Variants in SYT10 observed in about 807,000 individuals in gnomAD.
SYT10 encodes the protein synaptotagmin-10.
In SYT10, 31 loss-of-function variants were observed where a neutral mutation model predicts 51.1. The observed-to-expected ratio is 0.61, with a 90% CI of 0.46 to 0.82. The LOEUF (loss-of-function observed/expected upper bound fraction) is 0.82. Ranked by LOEUF, SYT10 falls within the 40% of genes least tolerant of loss-of-function variation. The pLI, the probability that SYT10 is intolerant of heterozygous loss-of-function variation, is 0.00. For missense variants in SYT10, 603 were observed against 634.0 expected, an observed-to-expected ratio of 0.95 and a Z score of 0.53; for synonymous variants, 233 against 225.9, an observed-to-expected ratio of 1.03 and a Z score of -0.28.
intron 3 of SYT10, among the ~76,000 whole-genome samples, chr12:33,386,200 T>C (rs566441504): frequency 6.6e-6 from 1 of 152,280 alleles, no homozygotes; most frequent in South Asian, 2.1e-4. Flanking sequence ...TTTGTATTTT[T>C]AGTTTCGACT....
At chr12:33,430,223 T>C (rs1866585789) in intron 1 of SYT10, among the ~76,000 whole-genome samples, 1 of 152,250 alleles carries the variant, frequency 6.6e-6, no homozygotes, top group African/African-American at 2.4e-5. Context: ...TATCTCTAAC[T>C]AATTTTAGTC....
chr12:33,380,768 G>A (rs1451033816), intron 5 of SYT10, among the ~76,000 whole-genome samples: 9 of 152,144 alleles, frequency 5.9e-5, no homozygotes, highest in Admixed American at 2.6e-4. Flanking sequence ...GCAGAGACAG[G>A]AGCTGAATCA....
Position 33,374,839 on chromosome 12 carries a change from A to T in SYT10, c.*1991T>A, listed in dbSNP as rs2138374551. The T allele has an allele frequency of 6.6e-6, 1 of 152,110 alleles. No individual in the cohort carries two copies. Among genetic ancestry groups the T allele is most frequent in the Admixed American group, 6.6e-5 (1 of 15,262 alleles). 9.4% of individuals were successfully genotyped at this position (152,110 alleles called of 1,614,324 possible). ...AAGAAAAGCGAGTTTCTAAGAATCA[A>T]CAAAAAGTCCTTAAAAATGTGTTTT... On this transcript the variant is annotated 3_prime_UTR_variant, in exon 7 of 7. Transcript: ENST00000228567.
Position 33,375,298 on chromosome 12 carries a change from C to T in SYT10, c.*1532G>A, listed in dbSNP as rs987746009. 7 of 151,880 alleles carry T rather than the reference C, an allele frequency of 4.6e-5. No individual in the cohort carries two copies. The highest frequency in any genetic ancestry group is 1.7e-4 in the African/African-American group (7 of 41,378). 9.4% of individuals were successfully genotyped at this position (151,880 alleles called of 1,614,324 possible). ...ACTATAAGAGATGTCAACAAAATTT[C>T]AAGGCTTTTAAAACTTTTTTTTAAT... On this transcript the variant is annotated 3_prime_UTR_variant, in exon 7 of 7. Coordinates refer to ENST00000228567, the MANE Select transcript of SYT10 (RefSeq NM_198992.4).
intron 2 of SYT10, among the ~76,000 whole-genome samples, chr12:33,418,898 C>T (rs1866477183): frequency 6.6e-6 from 1 of 152,154 alleles, no homozygotes; most frequent in East Asian, 1.9e-4. Flanking sequence ...TCATGCTACT[C>T]TTTTGACTTA....
chr12:33,374,771 C>T lies in SYT10; in HGVS notation c.*2059G>A, dbSNP rs1866049259. On this transcript the variant is annotated 3_prime_UTR_variant, in exon 7 of 7. Coordinates refer to ENST00000228567, the MANE Select transcript of SYT10 (RefSeq NM_198992.4). ...AGTCTTCTGATTGGCCAATGGTTCA[C>T]ATTTTTTCATCACAAGCATTGGCTT... The T allele has an allele frequency of 6.6e-6, 1 of 151,822 alleles. No individual in the cohort carries two copies. The highest frequency in any genetic ancestry group is 1.5e-5 in the Non-Finnish European group (1 of 67,862). The allele number at this position is 151,822 out of a possible 1,614,324, so 9.4% of individuals were successfully genotyped here. A position where few individuals can be genotyped will look rare whatever the true frequency, so the allele number is the denominator to read the frequency against.
chr12:33,390,665 TACAC>T, intron 3 of SYT10, among the ~76,000 whole-genome samples: 1 of 151,666 alleles, frequency 6.6e-6, no homozygotes, highest in East Asian at 1.9e-4. Context: ...TGTATGTGTA[TACAC>T]ACACACACAC....
At position 33,431,796 on chromosome 12, in the gene SYT10, A is replaced by G. The variant is rs546826532; in HGVS notation, c.152-5301T>C. Among the ~76,000 whole-genome samples, 6 of 152,298 alleles carry G rather than the reference A, an allele frequency of 3.9e-5. No homozygotes were observed. In the East Asian group the frequency reaches 9.7e-4, roughly 25 times the overall value. On this transcript the variant is annotated intron_variant, in intron 1 of 6. Coordinates refer to ENST00000228567, the MANE Select transcript of SYT10 (RefSeq NM_198992.4). ...ATAGTGAAGCACATCCTTCAACCTTATAAGTCAAATTTTTGGAAATGGGTG... is the reference window on the plus strand; with the variant it reads ...ATAGTGAAGCACATCCTTCAACCTTGTAAGTCAAATTTTTGGAAATGGGTG...
chr12:33,393,362 C>A (rs1246601569), intron 3 of SYT10, among the ~76,000 whole-genome samples: 3 of 152,148 alleles, frequency 2.0e-5, no homozygotes, highest in Non-Finnish European at 2.9e-5. Flanking sequence ...TCTCAAACTT[C>A]CATCATCATT....
intron 2 of SYT10, among the ~76,000 whole-genome samples, chr12:33,414,648 C>T (rs1866437579): frequency 6.6e-6 from 1 of 152,194 alleles, no homozygotes; most frequent in South Asian, 2.1e-4. Context: ...AAAGCCACAA[C>T]ATACCAGAAT....
intron 6 of SYT10, among the ~76,000 whole-genome samples, chr12:33,379,217 T>C (rs1377661532): frequency 1.3e-5 from 2 of 152,114 alleles, no homozygotes; most frequent in Non-Finnish European, 2.9e-5. Flanking sequence ...TTCAGAGTCA[T>C]AGCAGAAACA....
chr12:33,424,313 T>A (rs1866530997), intron 2 of SYT10, among the ~76,000 whole-genome samples: 1 of 152,148 alleles, frequency 6.6e-6, no homozygotes, highest in African/African-American at 2.4e-5. Context: ...TAGTATTTTG[T>A]TTTTCTGAGG....
chr12:33,379,837 G>T lies in SYT10; in HGVS notation c.1495C>A (p.Leu499Met). 1 of 1,613,806 alleles carries T rather than the reference G, an allele frequency of 6.2e-7. No individual in the cohort carries two copies. Among genetic ancestry groups the T allele is most frequent in the East Asian group, 2.2e-5 (1 of 44,844 alleles). ...RKPITHWHPL[L>M]ELPGRATSFD... ...TAAGGAACTCACAAGCTTACCTCCA[G>T]CAATGGGTGCCAGTGCGTTATTGGT... The change falls in exon 6 of 7, where the codon CTG (leucine) becomes ATG (methionine). Residue 499 changes from leucine (L) to methionine (M), a missense_variant. Coordinates refer to ENST00000228567, the MANE Select transcript of SYT10 (RefSeq NM_198992.4).
In SYT10 at chr12:33,385,158, A is replaced by G; in HGVS notation, c.1198+13T>C. On this transcript the variant is annotated intron_variant, in intron 4 of 6. Coordinates refer to ENST00000228567, the MANE Select transcript of SYT10 (RefSeq NM_198992.4). ...AGATTGTGCCCTTGGTCCTGTGGCC[A>G]TTGTGTACATACCTGATGAGCCAGT... 1 of 1,612,802 alleles carries G rather than the reference A, an allele frequency of 6.2e-7. No individual in the cohort carries two copies. The highest frequency in any genetic ancestry group is 8.5e-7 in the Non-Finnish European group (1 of 1,179,334).
At chr12:33,404,536 C>A (rs1866335058) in intron 3 of SYT10, among the ~76,000 whole-genome samples, 1 of 152,090 alleles carries the variant, frequency 6.6e-6, no homozygotes, top group Admixed American at 6.6e-5. Context: ...GGATTACAGG[C>A]ATGTGACACC....
chr12:33,407,309 C>T lies in SYT10; in HGVS notation c.557G>A (p.Ser186Asn), dbSNP rs575116773. The T allele has an allele frequency of 6.0e-5, 96 of 1,610,644 alleles. No individual in the cohort carries two copies. In the East Asian group the frequency reaches 2.0e-3, roughly 34 times the overall value. The stretch of plus-strand genomic sequence containing the variant: ...TTCTGTGCCCATGCTAAAATCAACA[C>T]TGGAAACCTGCATTTGCCTCGGCAG... ...RHLPRQMQVS[S>N]VDFSMGTEPV... The change falls in exon 3 of 7, where the codon AGT becomes AAT. Residue 186 changes from serine to asparagine, a missense_variant. Coordinates refer to ENST00000228567, the MANE Select transcript of SYT10 (RefSeq NM_198992.4).
intron 2 of SYT10, among the ~76,000 whole-genome samples, chr12:33,423,245 C>T (rs1866521280): frequency 6.6e-6 from 1 of 151,948 alleles, no homozygotes. Context: ...GGAGTCCCAA[C>T]AGACTGGAGC....
chr12:33,375,598 G>A lies in SYT10; in HGVS notation c.*1232C>T, dbSNP rs532285590. 2.0e-5 allele frequency: 3 copies of A among 152,130 alleles called. No individual in the cohort carries two copies. The South Asian group carries it at 6.2e-4, about 32-fold the overall frequency. 9.4% of individuals were successfully genotyped at this position (152,130 alleles called of 1,614,324 possible). On this transcript the variant is annotated 3_prime_UTR_variant, in exon 7 of 7. Transcript: ENST00000228567. ...TCTGTCTTGTAAAAACACTTGCATAGTTTTTACATGTAGTGGCCTGAACCT... is the reference window on the plus strand; with the variant it reads ...TCTGTCTTGTAAAAACACTTGCATAATTTTTACATGTAGTGGCCTGAACCT...
At chr12:33,397,640 A>G (rs746348498) in intron 3 of SYT10, among the ~76,000 whole-genome samples, 3 of 152,114 alleles carry the variant, frequency 2.0e-5, no homozygotes, top group Non-Finnish European at 4.4e-5. Context: ...GATATACAGC[A>G]TCTTCAGCTT....
Sources: gnomAD v4.1 joint callset for allele counts (sites outside exome capture counted in the v4.1 genomes callset) on GRCh38, gnomAD v4.1.1 for gene constraint, MANE v1.5 for transcripts, NCBI Gene and HGNC (gene_info 2026-07-23, HGNC 2026-07-21) for gene names.